The following FRZB variants were observed in gnomAD, a reference collection of about 807,000 sequenced individuals.
FRZB encodes secreted frizzled-related protein 3.
A neutral mutation model predicts 32.5 loss-of-function variants in FRZB; 34 were observed. The observed-to-expected ratio is 1.05, with a 90% CI of 0.80 to 1.39. The LOEUF (loss-of-function observed/expected upper bound fraction) is 1.39, where lower values mean the gene tolerates loss of function less well. Ranked by LOEUF, FRZB falls within the 40% of genes most tolerant of loss-of-function variation. The probability of loss-of-function intolerance (pLI) is 0.00; values close to 1 mark genes in which losing one functional copy is unlikely to be tolerated. For missense variants in FRZB, 423 were observed against 424.8 expected (o/e 1.00, Z 0.04); for synonymous variants, 170 against 159.2 (o/e 1.07, Z -0.51).
intron 2 of FRZB, among the ~76,000 whole-genome samples, chr2:182,843,679 T>C (rs946994644): frequency 7.9e-5 from 12 of 152,234 alleles, no homozygotes; most frequent in African/African-American, 2.9e-4. Context: ...AGCACTCACT[T>C]TGGGAGGCCA....
At chr2:182,851,678 A>G (rs184599086) in intron 2 of FRZB, among the ~76,000 whole-genome samples, 34 of 152,212 alleles carry the variant, frequency 2.2e-4, no homozygotes, top group Non-Finnish European at 3.8e-4. Context: ...CAAAACAAAA[A>G]ACAAAAAAAA....
At chr2:182,856,733 T>C (rs527551294) in intron 2 of FRZB, among the ~76,000 whole-genome samples, 2 of 152,120 alleles carry the variant, frequency 1.3e-5, no homozygotes, top group Non-Finnish European at 2.9e-5. Context: ...AAAAGGACAC[T>C]ACATAATGAA....
intron 5 of FRZB, among the ~76,000 whole-genome samples, chr2:182,837,336 T>C (rs1481174934): frequency 6.6e-6 from 1 of 152,058 alleles, no homozygotes; most frequent in Non-Finnish European, 1.5e-5. Context: ...GTAGCTACAC[T>C]TTGTACATAG....
At position 182,866,240 on chromosome 2, in the gene FRZB, T is replaced by C; in HGVS notation, c.313A>G (p.Ile105Val). 6.2e-7 allele frequency: 1 copy of C among 1,614,144 alleles called. No individual in the cohort carries two copies. Among genetic ancestry groups the C allele is most frequent in the African/African-American group, 1.3e-5 (1 of 75,056 alleles). Residue 105 changes from isoleucine (I) to valine (V), a missense_variant, in exon 1 of 6, where the codon ATC becomes GTC. Coordinates refer to ENST00000295113, the MANE Select transcript of FRZB (RefSeq NM_001463.4). The surrounding 1 kb of genome is among the most constrained non-coding windows in gnomAD (Gnocchi z 4.5). ...ICTIDFQHEP[I>V]KPCKSVCERA... The stretch of plus-strand genomic sequence containing the variant: ...TCGCACACAGACTTACAGGGCTTGA[T>C]GGGCTCGTGCTGGAAGTCAATGGTG...
intron 2 of FRZB, among the ~76,000 whole-genome samples, chr2:182,853,838 A>G (rs950949989): frequency 2.0e-5 from 3 of 152,250 alleles, no homozygotes; most frequent in Non-Finnish European, 2.9e-5. Context: ...AATGGAATAT[A>G]TGGTACTCAT....
chr2:182,856,597 G>T (rs1481593779), intron 2 of FRZB, among the ~76,000 whole-genome samples: 2 of 152,000 alleles, frequency 1.3e-5, no homozygotes, highest in Non-Finnish European at 2.9e-5. Context: ...AAAACACAAT[G>T]ACTTAAGTAT....
Position 182,837,978 on chromosome 2 carries a change from C to A in FRZB, c.831G>T (p.Lys277Asn). Residue 277 changes from lysine to asparagine, a missense_variant, in exon 5 of 6, where the codon AAG (lysine) becomes AAT (asparagine). Lys to Asn is a moderately conservative substitution (Grantham distance 94, BLOSUM62 0). Coordinates refer to ENST00000295113, the MANE Select transcript of FRZB (RefSeq NM_001463.4). The stretch of plus-strand genomic sequence containing the variant: ...CTTTTTTACCGAGTCGATCCTTCCA[C>A]TTCTCAGCTATAGAGCCTTCCACCA... ...LLLVEGSIAE[K>N]WKDRLGKKVK... 2 of 1,612,210 alleles carry A rather than the reference C, an allele frequency of 1.2e-6. No homozygotes were observed. The highest frequency in any genetic ancestry group is 1.7e-6 in the Non-Finnish European group (2 of 1,178,886).
Position 182,858,836 on chromosome 2 carries a change from G to A in FRZB, c.479-3C>T, listed in dbSNP as rs746859193. On this transcript the variant is annotated splice_polypyrimidine_tract_variant and splice_region_variant and intron_variant, in intron 1 of 5. Transcript: ENST00000295113. ...GTTACTAGAATCCATAGGAAAATCTGAAAGGAGGTGACAGAAAAAAGAACT... is the reference window on the plus strand; with the variant it reads ...GTTACTAGAATCCATAGGAAAATCTAAAAGGAGGTGACAGAAAAAAGAACT... 3 of 1,606,922 alleles carry A rather than the reference G, an allele frequency of 1.9e-6. No homozygotes were observed. In the African/African-American group the frequency reaches 4.0e-5, roughly 22 times the overall value.
chr2:182,840,984 C>T (rs1695579974), intron 3 of FRZB, among the ~76,000 whole-genome samples: 1 of 151,998 alleles, frequency 6.6e-6, no homozygotes, highest in Non-Finnish European at 1.5e-5. Context: ...CTTAGTGTTA[C>T]AGTATATAAA....
intron 2 of FRZB, among the ~76,000 whole-genome samples, chr2:182,855,597 TCTAAACAAGAGAG>T (rs1385322254): frequency 1.3e-5 from 2 of 152,044 alleles, no homozygotes; most frequent in Non-Finnish European, 2.9e-5. Flanking sequence ...AATTACCTAA[TCTAAACAAGAGAG>T]AAAAAAGATT....
intron 3 of FRZB, among the ~76,000 whole-genome samples, chr2:182,841,410 G>A (rs1200931009): frequency 6.6e-6 from 1 of 152,130 alleles, no homozygotes; most frequent in East Asian, 1.9e-4. Context: ...TAAATCTGCT[G>A]TATATATCCT....
Position 182,866,128 on chromosome 2 carries a change from T to C in FRZB, c.425A>G (p.Tyr142Cys), listed in dbSNP as rs769024426. The C allele has an allele frequency of 6.2e-7, 1 of 1,614,106 alleles. No homozygotes were observed. The highest frequency in any genetic ancestry group is 2.2e-5 in the East Asian group (1 of 44,870). Reference sequence around the variant, plus strand: ...GGGAGAGATGCACACGCCCCTGTCGTACACTGGCAGCTCCTCGCAGGCCAG... The same window carrying C: ...GGGAGAGATGCACACGCCCCTGTCGCACACTGGCAGCTCCTCGCAGGCCAG... ...ENLACEELPV[Y>C]DRGVCISPEA... Residue 142 changes from tyrosine (Y) to cysteine (C), a missense_variant, in exon 1 of 6, where the codon TAC becomes TGC. Transcript: ENST00000295113. The surrounding 1 kb of genome is among the most constrained non-coding windows in gnomAD (Gnocchi z 4.5).
chr2:182,850,300 C>G (rs1695696304), intron 2 of FRZB, among the ~76,000 whole-genome samples: 1 of 152,194 alleles, frequency 6.6e-6, no homozygotes, highest in Non-Finnish European at 1.5e-5. Context: ...CCATACTGAT[C>G]TATCAAACAC....
chr2:182,857,716 TAATC>T (rs1369385771), intron 2 of FRZB, among the ~76,000 whole-genome samples: 1 of 147,380 alleles, frequency 6.8e-6, no homozygotes, highest in Non-Finnish European at 1.5e-5. Context: ...CAGAAGGAAA[TAATC>T]AATAAAATTG....
At chr2:182,838,256 T>G (rs1055855128) in intron 4 of FRZB, among the ~76,000 whole-genome samples, 153 bp downstream of exon 4, 1 of 151,884 alleles carries the variant, frequency 6.6e-6, no homozygotes, top group Non-Finnish European at 1.5e-5. Flanking sequence ...ATTCCATATA[T>G]GAAATCAAGA....
At position 182,842,695 on chromosome 2, in the gene FRZB, A is replaced by G; in HGVS notation, c.527-152T>C. The G allele has an allele frequency of 5.0e-6, 3 of 601,980 alleles. No homozygotes were observed. The Admixed American group carries it at 8.7e-5, about 17-fold the overall frequency. 37.3% of individuals were successfully genotyped at this position (601,980 alleles called of 1,614,324 possible). The stretch of plus-strand genomic sequence containing the variant: ...TGTCTGAATTTTTTCTCCTGGAACT[A>G]CATTCATGTTTATTCTATCTACATG... On this transcript the variant is annotated intron_variant, in intron 2 of 5. Transcript: ENST00000295113.
At chr2:182,842,429 A>G (rs1434455401) in intron 3 of FRZB, 49 bp downstream of exon 3, 1 of 1,331,514 alleles carries the variant, frequency 7.5e-7, no homozygotes, top group Non-Finnish European at 1.1e-6. Context: ...GCATCCACAC[A>G]CCTCTCTTAA....
chr2:182,855,014 A>G (rs1695752958), intron 2 of FRZB, among the ~76,000 whole-genome samples: 2 of 152,142 alleles, frequency 1.3e-5, no homozygotes, highest in South Asian at 4.1e-4. Context: ...GCACTGTAGG[A>G]TAAAGTATTG....
In FRZB at chr2:182,842,557, T is replaced by C. The variant is rs775370871; in HGVS notation, c.527-14A>G. On this transcript the variant is annotated splice_polypyrimidine_tract_variant and intron_variant, in intron 2 of 5. Coordinates refer to ENST00000295113, the MANE Select transcript of FRZB (RefSeq NM_001463.4). Reference sequence around the variant, plus strand: ...ATTTACAGCGTTCTGAAAAACACATTTTAGTTATAAGCACATTTCCAATAT... The same window carrying C: ...ATTTACAGCGTTCTGAAAAACACATCTTAGTTATAAGCACATTTCCAATAT... The C allele has an allele frequency of 6.3e-7, 1 of 1,599,996 alleles. No homozygotes were observed. Among genetic ancestry groups the C allele is most frequent in the East Asian group, 2.2e-5 (1 of 44,766 alleles).
Sources: gnomAD v4.1 joint callset for allele counts (sites outside exome capture counted in the v4.1 genomes callset) on GRCh38, gnomAD v4.1.1 for gene constraint, Gnocchi (gnomAD v3.1) non-coding constraint, MANE v1.5 for transcripts, NCBI Gene and HGNC (gene_info 2026-07-23, HGNC 2026-07-21) for gene names.